Variants in RUNX1 observed in about 807,000 individuals in gnomAD.
RUNX1 encodes the protein runt-related transcription factor 1.
In RUNX1, 19 loss-of-function variants were observed where a neutral mutation model predicts 42.8. That is an observed-to-expected ratio of 0.44 (90% CI 0.31 to 0.65). The LOEUF is 0.65. Ranked by LOEUF, RUNX1 falls within the 30% of genes least tolerant of loss-of-function variation. RUNX1 has a pLI of 0.07. For missense variants in RUNX1, 528 were observed against 672.0 expected (o/e 0.79, Z 2.37); for synonymous variants, 271 against 289.4 (o/e 0.94, Z 0.64).
intron 2 of RUNX1, among the ~76,000 whole-genome samples, chr21:34,940,460 T>G (rs1447574260): frequency 6.6e-6 from 1 of 152,246 alleles, no homozygotes; most frequent in East Asian, 1.9e-4. Flanking sequence ...ATTTTCCTCA[T>G]GGTTTTTAAC....
At position 34,997,623 on chromosome 21, in the gene RUNX1, T is replaced by C. The variant is rs369215779; in HGVS notation, c.58+51219A>G. Among the ~76,000 whole-genome samples, 21 of 152,336 alleles carry C rather than the reference T, an allele frequency of 1.4e-4. No individual in the cohort carries two copies. The East Asian group carries it at 2.5e-3, about 18-fold the overall frequency. On this transcript the variant is annotated intron_variant, in intron 2 of 8. Coordinates refer to ENST00000675419, the MANE Select transcript of RUNX1 (RefSeq NM_001754.5). ...ATAGAACTGTTGCTTATTTGGAGAC[T>C]TTCAAAGAGAGGGGCTTACACCCCA...
At chr21:35,045,309 C>T (rs1421822765) in intron 2 of RUNX1, among the ~76,000 whole-genome samples, 1 of 152,074 alleles carries the variant, frequency 6.6e-6, no homozygotes, top group East Asian at 1.9e-4. Flanking sequence ...AGCCAGGATG[C>T]CCCATCCCAC....
In RUNX1 at chr21:34,887,648, G is replaced by C. The variant is rs1042355148; in HGVS notation, c.98-552C>G. The C allele has an allele frequency of 3.2e-5, 35 of 1,078,458 alleles. No homozygotes were observed. The African/African-American group carries it at 5.3e-4, about 16-fold the overall frequency. 66.8% of individuals were successfully genotyped at this position (1,078,458 alleles called of 1,614,324 possible). A position where few individuals can be genotyped will look rare whatever the true frequency, so the allele number is the denominator to read the frequency against. The stretch of plus-strand genomic sequence containing the variant: ...GCAAAACTGGCTTCAGTCCCGAAAA[G>C]CAAGAGCTGAGACTTCCAAAGGTAG... On this transcript the variant is annotated intron_variant, in intron 3 of 8. Transcript: ENST00000675419.
chr21:34,851,362 A>C (rs1228700993), intron 6 of RUNX1, among the ~76,000 whole-genome samples: 1 of 152,210 alleles, frequency 6.6e-6, no homozygotes, highest in East Asian at 1.9e-4. Context: ...TTTGCTGACC[A>C]TATTTTGTTA....
intron 7 of RUNX1, among the ~76,000 whole-genome samples, chr21:34,815,270 A>C (rs1005392963): frequency 1.3e-5 from 2 of 152,206 alleles, no homozygotes; most frequent in African/African-American, 4.8e-5. Context: ...TGTTTTAGAC[A>C]ACTGTGGGTG....
intron 7 of RUNX1, among the ~76,000 whole-genome samples, chr21:34,804,415 G>A (rs139760448): frequency 7.9e-5 from 12 of 152,334 alleles, no homozygotes; most frequent in Non-Finnish European, 1.5e-4. Context: ...AAGGACGCTA[G>A]AGGAATTTGA....
chr21:34,979,124 GA>G, intron 2 of RUNX1, among the ~76,000 whole-genome samples: 1 of 152,282 alleles, frequency 6.6e-6, no homozygotes, highest in South Asian at 2.1e-4. Flanking sequence ...AGCTGACTGG[GA>G]ACTGTCAAGT....
rs967722325 is a variant in RUNX1, at chr21:34,791,093, C to A, written c.*1042G>T. The stretch of plus-strand genomic sequence containing the variant: ...TCCATACTTCTGATCCTTGGAGTGA[C>A]CCTCAGTGTCTAAAAATCCTATTAA... On this transcript the variant is annotated 3_prime_UTR_variant, in exon 9 of 9. Coordinates refer to ENST00000675419, the MANE Select transcript of RUNX1 (RefSeq NM_001754.5). The A allele has an allele frequency of 4.3e-6, 1 of 233,606 alleles. No individual in the cohort carries two copies. 14.5% of individuals were successfully genotyped at this position (233,606 alleles called of 1,614,324 possible).
chr21:34,807,088 A>G (rs1420105125), intron 7 of RUNX1, among the ~76,000 whole-genome samples: 1 of 152,036 alleles, frequency 6.6e-6, no homozygotes, highest in Non-Finnish European at 1.5e-5. Flanking sequence ...AAGCAAGCAG[A>G]AGAGAAGAAA....
chr21:34,931,321 T>C lies in RUNX1; in HGVS notation c.59-38358A>G, dbSNP rs2058443049. ...AAAACAAGTTAATCAACATGCATTA[T>C]ATATATATACACATTTATATATATA... On this transcript the variant is annotated intron_variant, in intron 2 of 8. Transcript: ENST00000675419. 2.1e-5 allele frequency among the ~76,000 whole-genome samples: 3 copies of C among 144,932 alleles called. No homozygotes were observed. In the South Asian group the frequency reaches 6.3e-4, roughly 30 times the overall value.
At chr21:35,044,037 G>GC (rs1385708788) in intron 2 of RUNX1, among the ~76,000 whole-genome samples, 8 of 152,186 alleles carry the variant, frequency 5.3e-5, no homozygotes, top group South Asian at 2.1e-4. Flanking sequence ...ATGACATCCT[G>GC]CCCCAACTAG....
chr21:34,822,761 T>C (rs1278267328), intron 7 of RUNX1, among the ~76,000 whole-genome samples: 1 of 152,240 alleles, frequency 6.6e-6, no homozygotes, highest in African/African-American at 2.4e-5. Flanking sequence ...TTTATCATTA[T>C]ATAATTTGCT....
intron 7 of RUNX1, chr21:34,833,088 C>A (rs2057086545): frequency 6.6e-6 from 1 of 152,294 alleles, no homozygotes; most frequent in South Asian, 2.1e-4. Context: ...CTTTTGAGAA[C>A]CCATGTTTTT....
intron 7 of RUNX1, among the ~76,000 whole-genome samples, chr21:34,812,963 C>A (rs2056776820): frequency 6.6e-6 from 1 of 152,122 alleles, no homozygotes; most frequent in African/African-American, 2.4e-5. Context: ...ACTGAAGGGT[C>A]AAAATTGACT....
chr21:34,918,486 T>G (rs1172236729), intron 2 of RUNX1, among the ~76,000 whole-genome samples: 1 of 152,240 alleles, frequency 6.6e-6, no homozygotes, highest in East Asian at 1.9e-4. Context: ...GTTTTAAAAT[T>G]TGCTTATCTT....
At chr21:34,902,179 C>G (rs1169265255) in intron 2 of RUNX1, among the ~76,000 whole-genome samples, 1 of 152,206 alleles carries the variant, frequency 6.6e-6, no homozygotes, top group East Asian at 1.9e-4. Flanking sequence ...ATAATTTACT[C>G]TTTCACTAGG....
chr21:34,806,004 A>G (rs2056674096), intron 7 of RUNX1, among the ~76,000 whole-genome samples: 1 of 152,300 alleles, frequency 6.6e-6, no homozygotes, highest in African/African-American at 2.4e-5. Context: ...ATATGCTAAC[A>G]GAGGAGATAA....
Position 34,887,241 on chromosome 21 carries a change from G to GC in RUNX1, c.98-146_98-145insG, listed in dbSNP as rs1435975960. ...TCAGGGGCCTTTATTACTGCGGGGGGTGGGGGGGGGCGGGGGTGGTTAGGG... is the reference window on the plus strand; with the variant it reads ...TCAGGGGCCTTTATTACTGCGGGGGGCTGGGGGGGGGCGGGGGTGGTTAGGG... On this transcript the variant is annotated intron_variant, in intron 3 of 8. Coordinates refer to ENST00000675419, the MANE Select transcript of RUNX1 (RefSeq NM_001754.5). The GC allele has an allele frequency of 4.5e-4, 436 of 968,558 alleles. 5 individuals carry two copies. The African/African-American group carries it at 7.1e-3, about 16-fold the overall frequency. The allele number at this position is 968,558 out of a possible 1,614,324, so 60.0% of individuals were successfully genotyped here. A position where few individuals can be genotyped will look rare whatever the true frequency, so the allele number is the denominator to read the frequency against.
At chr21:35,038,420 A>C (rs1172478524) in intron 2 of RUNX1, 2 of 407,080 alleles carry the variant, frequency 4.9e-6, no homozygotes, top group South Asian at 3.5e-5. Context: ...CCAGGGAAAG[A>C]AATAAAGGTC....
Sources: allele counts gnomAD v4.1 joint callset (sites outside exome capture counted in the v4.1 genomes callset), GRCh38; gene constraint gnomAD v4.1.1; transcripts MANE v1.5; gene names NCBI Gene and HGNC (gene_info 2026-07-23, HGNC 2026-07-21).